C2orf66: variants seen among roughly 807,000 people sequenced by gnomAD.
C2orf66 encodes uncharacterized protein C2orf66.
In C2orf66, 6 loss-of-function variants were observed where a neutral mutation model predicts 7.0. That is an observed-to-expected ratio of 0.86 (90% CI 0.47 to 1.69). C2orf66 has a LOEUF of 1.69. Among genes scored for constraint, C2orf66 ranks in the 40% most tolerant of loss-of-function variants. C2orf66 has a pLI of 0.01. For synonymous variants in C2orf66, 38 were observed against 43.8 expected (o/e 0.87, Z 0.52); for missense variants, 107 against 112.0 (o/e 0.96, Z 0.20).
At chr2:196,823,960 C>T in the C2orf66 span, among the ~76,000 whole-genome samples, 323 of 152,142 alleles carry the variant, frequency 2.1e-3, 2 homozygotes, top group African/African-American at 7.4e-3. Context: ...GGTGAATCAT[C>T]CACCAAGAAT....
In C2orf66 at chr2:196,808,333, T is replaced by C. The variant is rs141404592; in HGVS notation, c.124-711A>G. On this transcript the variant is annotated intron_variant, in intron 1 of 2. Transcript: ENST00000342506. ...AAACAGAAGGGAGTTATTTAGAGCT[T>C]TCTAGGAAAGAGGTGGTAACTTTTG... Among the ~76,000 whole-genome samples, 224 of 152,314 alleles carry C rather than the reference T, an allele frequency of 1.5e-3. No individual in the cohort carries two copies. In the East Asian group the frequency reaches 0.019, roughly 13 times the overall value.
Position 196,804,932 on chromosome 2 carries a change from A to G in C2orf66, c.*496T>C, listed in dbSNP as rs73062942. On this transcript the variant is annotated 3_prime_UTR_variant, in exon 3 of 3. Transcript: ENST00000342506. ...AACTAAAACTGTGAAGTATTTTGGT[A>G]GTGTATGCTGAACATGGGAATGCAT... 4.7e-3 allele frequency: 719 copies of G among 152,334 alleles called. 10 individuals are homozygous for G. Among genetic ancestry groups the G allele is most frequent in the African/African-American group, 0.017 (688 of 41,572 alleles). 9.4% of individuals were successfully genotyped at this position (152,334 alleles called of 1,614,324 possible).
chr2:196,829,299 C>T, the C2orf66 span, among the ~76,000 whole-genome samples: 2 of 152,136 alleles, frequency 1.3e-5, no homozygotes, highest in Admixed American at 6.6e-5. Flanking sequence ...TATTTTCATC[C>T]TTAAAAATGT....
rs1180766507 is a variant in C2orf66 at position 196,804,838 on chromosome 2, T to C, written c.*590A>G. Among the ~76,000 whole-genome samples the C allele has an allele frequency of 6.6e-6, 1 of 152,222 alleles. No homozygotes were observed. The highest frequency in any genetic ancestry group is 1.5e-5 in the Non-Finnish European group (1 of 68,030). ...GTTGACAACTTCTAGAATCCCATGT[T>C]TGTTGTTGTTGTTTGCTTCCATTTT... On this transcript the variant is annotated 3_prime_UTR_variant, in exon 3 of 3. Transcript: ENST00000342506.
the C2orf66 span, among the ~76,000 whole-genome samples, chr2:196,817,618 G>A: frequency 1.3e-5 from 2 of 152,002 alleles, no homozygotes; most frequent in African/African-American, 4.8e-5. Flanking sequence ...AATTTACCAG[G>A]GTGGGGTTTT....
the C2orf66 span, among the ~76,000 whole-genome samples, chr2:196,815,414 G>T: frequency 5.9e-5 from 9 of 152,182 alleles, no homozygotes; most frequent in East Asian, 1.7e-3. Context: ...GAGAGAAAGA[G>T]AAAAAAACCC....
At chr2:196,826,943 A>C in the C2orf66 span, among the ~76,000 whole-genome samples, 1 of 152,058 alleles carries the variant, frequency 6.6e-6, no homozygotes, top group African/African-American at 2.4e-5. Flanking sequence ...AGGCAGGGGA[A>C]TCGCTTGAAC....
chr2:196,819,787 G>A, the C2orf66 span, among the ~76,000 whole-genome samples: 3 of 152,088 alleles, frequency 2.0e-5, no homozygotes, highest in African/African-American at 7.2e-5. Context: ...AGATTCTTAC[G>A]ATATTTCAGC....
intron 1 of C2orf66, among the ~76,000 whole-genome samples, chr2:196,808,049 G>A (rs1699836216): frequency 6.6e-6 from 1 of 152,216 alleles, no homozygotes; most frequent in Admixed American, 6.5e-5. Flanking sequence ...CACAGAAGAT[G>A]TGCGAAGTGC....
chr2:196,827,539 A>C, the C2orf66 span, among the ~76,000 whole-genome samples: 1 of 152,100 alleles, frequency 6.6e-6, no homozygotes, highest in Non-Finnish European at 1.5e-5. Flanking sequence ...CCTACCATGT[A>C]CAATGCTGTA....
the C2orf66 span, among the ~76,000 whole-genome samples, chr2:196,818,876 G>A: frequency 6.6e-6 from 1 of 152,222 alleles, no homozygotes; most frequent in Non-Finnish European, 1.5e-5. Flanking sequence ...GGGCAGACAA[G>A]GTCTCACAGC....
the C2orf66 span, among the ~76,000 whole-genome samples, chr2:196,818,286 C>T: frequency 3.3e-5 from 5 of 152,094 alleles, no homozygotes; most frequent in Admixed American, 3.3e-4. Context: ...GAAGCCTGAA[C>T]CCATAGAGAA....
chr2:196,806,629 T>A (rs1296094547), intron 2 of C2orf66, among the ~76,000 whole-genome samples: 1 of 151,058 alleles, frequency 6.6e-6, no homozygotes, highest in African/African-American at 2.4e-5. Context: ...GGCAGGTGGA[T>A]CACGAGGTCA....
chr2:196,819,670 CT>C, the C2orf66 span, among the ~76,000 whole-genome samples: 2 of 152,164 alleles, frequency 1.3e-5, no homozygotes, highest in African/African-American at 4.8e-5. Context: ...ATCATTGATT[CT>C]TCAGAGCTTG....
chr2:196,827,185 G>A, the C2orf66 span, among the ~76,000 whole-genome samples: 1 of 146,744 alleles, frequency 6.8e-6, no homozygotes, highest in African/African-American at 2.5e-5. Flanking sequence ...GCTGTAGTGA[G>A]CCATGATCGT....
At chr2:196,807,705 CCT>C in intron 1 of C2orf66, 83 bp from the exon 2 acceptor site, 1 of 1,145,650 alleles carries the variant, frequency 8.7e-7, no homozygotes. Flanking sequence ...CTATTTTTCC[CCT>C]GAATTGACTT....
At chr2:196,818,614 C>T in the C2orf66 span, among the ~76,000 whole-genome samples, 1 of 152,148 alleles carries the variant, frequency 6.6e-6, no homozygotes, top group Non-Finnish European at 1.5e-5. Flanking sequence ...TCATGATAAT[C>T]ATGCTTGAGC....
At chr2:196,808,248 C>G (rs1051707775) in intron 1 of C2orf66, among the ~76,000 whole-genome samples, 16 of 152,138 alleles carry the variant, frequency 1.1e-4, no homozygotes, top group African/African-American at 2.9e-4. Context: ...CATATGGGCT[C>G]TTATCAACTG....
In C2orf66 at chr2:196,809,299, AG is replaced by A. The variant is rs753256610; in HGVS notation, c.37del (p.Leu13TrpfsTer7). ...RAPLLLLCVA[L>X]VLLGHVNGAT... The stretch of plus-strand genomic sequence containing the variant: ...TCCATTCACATGCCCAAGCAGCACC[AG>A]GGCAACACATAGTAGCAGGAGAGGT... On this transcript the variant is annotated frameshift_variant, in exon 1 of 3. Transcript: ENST00000342506. LOFTEE classifies it high-confidence loss of function. 3 of 1,614,082 alleles carry A rather than the reference AG, an allele frequency of 1.9e-6. No homozygotes were observed. The highest frequency in any genetic ancestry group is 2.5e-6 in the Non-Finnish European group (3 of 1,179,946).
Sources: gnomAD v4.1 joint callset for allele counts (sites outside exome capture counted in the v4.1 genomes callset) on GRCh38, gnomAD v4.1.1 for gene constraint, MANE v1.5 for transcripts, NCBI Gene and HGNC (gene_info 2026-07-23, HGNC 2026-07-21) for gene names.